The following PTPRN2 variants were observed in gnomAD, a reference collection of about 807,000 sequenced individuals.
PTPRN2 encodes the protein protein tyrosine phosphatase receptor type N2.
A neutral mutation model predicts 118.8 loss-of-function variants in PTPRN2; 74 were observed. That is an observed-to-expected ratio of 0.62 (90% confidence interval 0.52 to 0.76). The LOEUF is 0.76. PTPRN2 is among the 30% of genes least tolerant of loss of function. PTPRN2 has a pLI of 0.00. For synonymous variants in PTPRN2, 641 were observed against 608.0 expected (o/e 1.05, Z -0.80); for missense variants, 1,481 against 1,394.4 (o/e 1.06, Z -0.99).
chr7:158,524,044 T>G (rs1586867135), intron 1 of PTPRN2, among the ~76,000 whole-genome samples: 2 of 93,650 alleles, frequency 2.1e-5, no homozygotes, highest in Admixed American at 1.1e-4. Flanking sequence ...GAGTGGAGTC[T>G]GCCCTGGAGT....
At chr7:158,410,022 C>T (rs531044177) in intron 2 of PTPRN2, among the ~76,000 whole-genome samples, 14 of 152,358 alleles carry the variant, frequency 9.2e-5, no homozygotes, top group Middle Eastern at 3.4e-3. Flanking sequence ...TGGGTGGCTC[C>T]GAGGCGTCCC....
At chr7:158,286,179 T>C (rs1799756555) in intron 3 of PTPRN2, among the ~76,000 whole-genome samples, 1 of 152,252 alleles carries the variant, frequency 6.6e-6, no homozygotes, top group African/African-American at 2.4e-5. Flanking sequence ...TGTATAAAAA[T>C]GCTCTTTATT....
chr7:158,114,340 A>C (rs1816551913), intron 9 of PTPRN2, among the ~76,000 whole-genome samples: 1 of 152,146 alleles, frequency 6.6e-6, no homozygotes, highest in South Asian at 2.1e-4. Context: ...GTGGGTTCCC[A>C]CTGGTGCTGA....
In PTPRN2 at chr7:157,764,534, C is replaced by A. The variant is rs1802333493; in HGVS notation, c.1789-81597G>T. ...TATGGGGTCCTTAGAGTCATCAGAT[C>A]CATAGAGACAGAATGTAGGACAGTG... On this transcript the variant is annotated intron_variant, in intron 12 of 22. Transcript: ENST00000389418. This position sits in a 1 kb window ranked among gnomAD's most constrained non-coding sequence, Gnocchi z 4.5. Among the ~76,000 whole-genome samples the A allele has an allele frequency of 6.6e-6, 1 of 152,090 alleles. No individual in the cohort carries two copies. Among genetic ancestry groups the A allele is most frequent in the African/African-American group, 2.4e-5 (1 of 41,404 alleles).
chr7:158,498,882 A>C (rs532232539), intron 1 of PTPRN2, among the ~76,000 whole-genome samples: 1 of 152,354 alleles, frequency 6.6e-6, no homozygotes, highest in Admixed American at 6.5e-5. Flanking sequence ...GAATAAAGTG[A>C]AGAAAGGTAG....
chr7:158,298,755 C>T (rs896696496), intron 3 of PTPRN2, among the ~76,000 whole-genome samples: 2 of 152,186 alleles, frequency 1.3e-5, no homozygotes, highest in Non-Finnish European at 2.9e-5. Flanking sequence ...ATGTCACCTC[C>T]AAGCACCTCC....
chr7:158,071,292 G>A (rs1254351980), intron 11 of PTPRN2, among the ~76,000 whole-genome samples: 9 of 92,936 alleles, frequency 9.7e-5, no homozygotes, highest in African/African-American at 3.7e-4. Context: ...GGTGGTGGAG[G>A]TGCTCGTGGT....
In PTPRN2 at chr7:158,178,589, C is replaced by CTTTTTT. The variant is rs56710690; in HGVS notation, c.550-11304_550-11299dup. ...TGTATATATATACTACATTTTCTTT[C>CTTTTTT]TTTTTTTTTTTTTTTTTTTTTTTTT... On this transcript the variant is annotated intron_variant, in intron 5 of 22. Coordinates refer to ENST00000389418, the MANE Select transcript of PTPRN2 (RefSeq NM_002847.5). 7.4e-4 allele frequency among the ~76,000 whole-genome samples: 50 copies of CTTTTTT among 67,368 alleles called. 1 individual carries two copies. Among genetic ancestry groups the CTTTTTT allele is most frequent in the African/African-American group, 2.3e-3 (45 of 19,246 alleles). The allele number at this position is 67,368 out of a possible 152,430, so 44.2% of individuals were successfully genotyped here.
chr7:157,663,134 G>A (rs1233456132), intron 13 of PTPRN2, among the ~76,000 whole-genome samples: 3 of 151,934 alleles, frequency 2.0e-5, no homozygotes, highest in Admixed American at 6.6e-5. Flanking sequence ...CTCCACCCCC[G>A]GCCATAACCC....
intron 12 of PTPRN2, among the ~76,000 whole-genome samples, chr7:157,818,581 A>G (rs1806588801): frequency 6.6e-6 from 1 of 152,060 alleles, no homozygotes. Flanking sequence ...AGGCCACGAC[A>G]CCGAGGCCCC....
At chr7:157,998,104 G>T (rs578246413) in intron 11 of PTPRN2, among the ~76,000 whole-genome samples, 2 of 94,846 alleles carry the variant, frequency 2.1e-5, no homozygotes, top group Non-Finnish European at 4.3e-5. Context: ...AGTACAGGGC[G>T]AGGGGGAGAG....
intron 2 of PTPRN2, among the ~76,000 whole-genome samples, chr7:158,377,749 G>A (rs1248508029): frequency 6.6e-6 from 1 of 152,246 alleles, no homozygotes; most frequent in East Asian, 1.9e-4. Context: ...CTGGAGAGCT[G>A]ACTTTCTTAC....
At chr7:158,524,560 G>A (rs1269811766) in intron 1 of PTPRN2, among the ~76,000 whole-genome samples, 9 of 151,548 alleles carry the variant, frequency 5.9e-5, no homozygotes, top group Non-Finnish European at 5.9e-5. Flanking sequence ...TGGAGTGGAG[G>A]GAAGTGAAGC....
intron 11 of PTPRN2, among the ~76,000 whole-genome samples, chr7:158,073,124 C>T (rs1812068288): frequency 6.6e-6 from 1 of 152,050 alleles, no homozygotes; most frequent in Non-Finnish European, 1.5e-5. Context: ...CTCTCCATCA[C>T]CTTTGCACTC....
intron 11 of PTPRN2, among the ~76,000 whole-genome samples, chr7:157,906,039 T>A (rs1563226910): frequency 6.6e-6 from 1 of 152,130 alleles, no homozygotes; most frequent in Non-Finnish European, 1.5e-5. Context: ...CATCTCCGGG[T>A]AATTTGGGGA....
chr7:157,553,457 G>A lies in PTPRN2; in HGVS notation c.2903-4438C>T, dbSNP rs536727662. Among the ~76,000 whole-genome samples, 159 of 152,280 alleles carry A rather than the reference G, an allele frequency of 1.0e-3. 1 individual carries two copies. Among genetic ancestry groups the A allele is most frequent in the African/African-American group, 3.7e-3 (152 of 41,544 alleles). On this transcript the variant is annotated intron_variant, in intron 21 of 22. Transcript: ENST00000389418. Reference sequence around the variant, plus strand: ...ATCTCTGGAGATGGCTGTTGCTGGCGGCTGTCTCCCAGAGTGGCGTCGTCG... The same window carrying A: ...ATCTCTGGAGATGGCTGTTGCTGGCAGCTGTCTCCCAGAGTGGCGTCGTCG...
chr7:157,559,635 A>G (rs2150489043), intron 21 of PTPRN2, among the ~76,000 whole-genome samples: 1 of 152,292 alleles, frequency 6.6e-6, no homozygotes, highest in Non-Finnish European at 1.5e-5. Context: ...AGGGAGCAGA[A>G]TCAGGCAGGC....
At chr7:157,732,191 T>C (rs1408150088) in intron 12 of PTPRN2, among the ~76,000 whole-genome samples, 487 of 38,928 alleles carry the variant, frequency 0.013, no homozygotes, top group African/African-American at 0.029. Context: ...GTTACCCTTT[T>C]CCGCCCCACG....
chr7:157,562,053 C>A, intron 21 of PTPRN2, among the ~76,000 whole-genome samples: 1 of 152,144 alleles, frequency 6.6e-6, no homozygotes, highest in Non-Finnish European at 1.5e-5. Context: ...GGGAAGGGTG[C>A]GCCCCCCACG....
Sources: gnomAD v4.1 joint callset for allele counts (sites outside exome capture counted in the v4.1 genomes callset) on GRCh38, gnomAD v4.1.1 for gene constraint, Gnocchi (gnomAD v3.1) non-coding constraint, MANE v1.5 for transcripts, NCBI Gene and HGNC (gene_info 2026-07-23, HGNC 2026-07-21) for gene names.